The following STS variants were observed in gnomAD, a reference collection of about 807,000 sequenced individuals.
The protein encoded by STS is steroid sulfatase, also known as steryl-sulfatase.
A neutral mutation model predicts 26.8 loss-of-function variants in STS; 7 were observed. The ratio of observed to expected loss-of-function variants is 0.26; its 90% CI spans 0.15 to 0.49. The LOEUF is 0.49. STS is among the 20% of genes least tolerant of loss of function. STS has a pLI of 0.98. For synonymous variants in STS, 199 were observed against 189.4 expected, an observed-to-expected ratio of 1.05 and a Z score of -0.42; for missense variants, 434 against 465.6, an observed-to-expected ratio of 0.93 and a Z score of 0.63.
At chrX:7,218,219 C>T (rs1029414863) in intron 2 of STS, among the ~76,000 whole-genome samples, 30 of 112,409 alleles carry the variant, frequency 2.7e-4, no homozygotes, top group African/African-American at 5.8e-4. Flanking sequence ...AGGGTATTAG[C>T]GCACAGCATT....
intron 8 of STS, among the ~76,000 whole-genome samples, chrX:7,317,454 G>GGTTTGTTTGTTT (rs113419040): frequency 9.1e-6 from 1 of 109,797 alleles, no homozygotes; most frequent in Admixed American, 9.7e-5. Flanking sequence ...CATATCTTTT[G>GGTTTGTTTGTTT]GTTTGTTTGT....
intron 7 of STS, among the ~76,000 whole-genome samples, chrX:7,277,077 G>A (rs1218286923): frequency 1.8e-5 from 2 of 110,996 alleles, no homozygotes; most frequent in Non-Finnish European, 3.8e-5. Context: ...TGTGAGTTAC[G>A]CAAAGGAGTG....
intron 6 of STS, among the ~76,000 whole-genome samples, chrX:7,267,483 T>C (rs1924062239): frequency 8.9e-6 from 1 of 112,338 alleles, no homozygotes; most frequent in Non-Finnish European, 1.9e-5. Context: ...AGAATGAGAT[T>C]CATGTTTTAT....
intron 2 of STS, among the ~76,000 whole-genome samples, chrX:7,242,159 C>T (rs563156651): frequency 6.1e-4 from 68 of 110,905 alleles, no homozygotes; most frequent in South Asian, 4.2e-3. Flanking sequence ...CAACAGGAGG[C>T]GATTGTATCA....
intron 2 of STS, among the ~76,000 whole-genome samples, chrX:7,248,981 C>T (rs1923015251): frequency 9.0e-6 from 1 of 111,107 alleles, no homozygotes; most frequent in Non-Finnish European, 1.9e-5. Context: ...TTATAGTTGT[C>T]AGCCCAACCT....
rs138530539 is a variant in STS at position 7,332,821 on chromosome X, C to T, written c.1242-1165C>T. The stretch of plus-strand genomic sequence containing the variant: ...CTACGGTGTTTCTTTTTCTTCCCCT[C>T]GTGGTTCACAGGAACCTTGGTTTGA... On this transcript the variant is annotated intron_variant, in intron 9 of 10. Coordinates refer to ENST00000674429, the MANE Select transcript of STS (RefSeq NM_001320752.2). Among the ~76,000 whole-genome samples, 1,046 of 111,909 alleles carry T rather than the reference C, an allele frequency of 9.3e-3. 37 individuals are homozygous for T. Among genetic ancestry groups the T allele is most frequent in the Admixed American group, 0.084 (887 of 10,513 alleles).
At chrX:7,235,908 C>T (rs1452360273) in intron 2 of STS, among the ~76,000 whole-genome samples, 1 of 112,157 alleles carries the variant, frequency 8.9e-6, no homozygotes, top group Non-Finnish European at 1.9e-5. Flanking sequence ...TTGTTTTATA[C>T]ATAACCTTTA....
intron 7 of STS, among the ~76,000 whole-genome samples, chrX:7,282,333 T>A (rs1277600732): frequency 8.9e-6 from 1 of 111,902 alleles, no homozygotes; most frequent in Non-Finnish European, 1.9e-5. Flanking sequence ...CCTGAGTAGC[T>A]GGGACTGCAG....
chrX:7,259,212 C>G (rs1297237212), intron 5 of STS, 137 bp from the exon 6 acceptor site: 1 of 629,375 alleles, frequency 1.6e-6, no homozygotes, highest in Non-Finnish European at 2.5e-6. Flanking sequence ...GTGAAAAATT[C>G]TAGGGTCCTA....
chrX:7,206,097 G>C (rs1408797439), intron 2 of STS, among the ~76,000 whole-genome samples: 3 of 111,603 alleles, frequency 2.7e-5, no homozygotes, highest in African/African-American at 6.5e-5. Context: ...TTTGCTCTGG[G>C]TTTATATTCC....
chrX:7,172,089 C>A (rs1397444913), intron 1 of STS, among the ~76,000 whole-genome samples: 1 of 111,852 alleles, frequency 8.9e-6, no homozygotes, highest in African/African-American at 3.2e-5. Flanking sequence ...CCACATCCCA[C>A]CTGAATACAT....
In STS at chrX:7,350,855, CAT is replaced by C. The variant is rs1464693549; in HGVS notation, c.*597_*598del. On this transcript the variant is annotated 3_prime_UTR_variant, in exon 11 of 11. Coordinates refer to ENST00000674429, the MANE Select transcript of STS (RefSeq NM_001320752.2). Reference sequence around the variant, plus strand: ...ATTATTACTGGTATTAGTTAAAACACATATCAAATGCTTGCTCTTCATCATAT... The same window carrying C: ...ATTATTACTGGTATTAGTTAAAACACATCAAATGCTTGCTCTTCATCATAT... 8.8e-6 allele frequency: 1 copy of C among 114,206 alleles called. No individual in the cohort carries two copies. Among genetic ancestry groups the C allele is most frequent in the East Asian group, 2.8e-4 (1 of 3,598 alleles). 9.4% of individuals were successfully genotyped at this position (114,206 alleles called of 1,213,427 possible). A position where few individuals can be genotyped will look rare whatever the true frequency, so the allele number is the denominator to read the frequency against.
At chrX:7,331,899 A>C (rs1927767525) in intron 9 of STS, among the ~76,000 whole-genome samples, 1 of 109,285 alleles carries the variant, frequency 9.2e-6, no homozygotes, top group Non-Finnish European at 1.9e-5. Flanking sequence ...AAAAAAAAAA[A>C]AAAAAAAAGT....
At chrX:7,323,275 A>T (rs1927143360) in intron 8 of STS, among the ~76,000 whole-genome samples, 2 of 110,253 alleles carry the variant, frequency 1.8e-5, no homozygotes, top group Non-Finnish European at 3.8e-5. Context: ...CTGGTGTGTT[A>T]CATGGGTATA....
intron 2 of STS, among the ~76,000 whole-genome samples, chrX:7,233,859 A>G (rs1388845304): frequency 1.8e-5 from 2 of 111,751 alleles, no homozygotes; most frequent in African/African-American, 6.5e-5. Context: ...ATCCTGGAAA[A>G]TGCTCATCCA....
At chrX:7,223,040 C>T (rs910375160) in intron 2 of STS, among the ~76,000 whole-genome samples, 1 of 111,104 alleles carries the variant, frequency 9.0e-6, no homozygotes, top group African/African-American at 3.3e-5. Context: ...ATGATAATGA[C>T]CTTTAGTTCC....
chrX:7,190,104 C>A (rs1305788617), intron 1 of STS, among the ~76,000 whole-genome samples: 1 of 110,731 alleles, frequency 9.0e-6, no homozygotes, highest in Non-Finnish European at 1.9e-5. Context: ...TACTTTATTT[C>A]TATTATTATT....
intron 2 of STS, among the ~76,000 whole-genome samples, chrX:7,232,821 T>G (rs1484216823): frequency 4.5e-5 from 5 of 111,990 alleles, no homozygotes; most frequent in African/African-American, 1.6e-4. Flanking sequence ...AGGGACCTCA[T>G]GGGAGGTGAC....
At chrX:7,253,365 A>G (rs956026717) in intron 3 of STS, 29 bp downstream of exon 3, 2 of 1,209,896 alleles carry the variant, frequency 1.7e-6, no homozygotes, top group Non-Finnish European at 2.2e-6. Context: ...CAGTAAACAC[A>G]TGGCTGTATT....
Sources: allele counts gnomAD v4.1 joint callset (sites outside exome capture counted in the v4.1 genomes callset), GRCh38; gene constraint gnomAD v4.1.1; transcripts MANE v1.5; gene names NCBI Gene and HGNC (gene_info 2026-07-23, HGNC 2026-07-21).